OSBP: variants seen among roughly 807,000 people sequenced by gnomAD.
OSBP encodes the protein oxysterol binding protein.
OSBP carries 32 observed loss-of-function variants against 96.6 expected under a neutral mutation model. That is an observed-to-expected ratio of 0.33 (90% CI 0.25 to 0.45). The LOEUF is 0.45. Ranked by LOEUF, OSBP falls within the 20% of genes least tolerant of loss-of-function variation. OSBP has a pLI of 1.00. For synonymous variants in OSBP, 369 were observed against 389.6 expected (o/e 0.95, Z 0.62); for missense variants, 653 against 1,029.7 (o/e 0.63, Z 5.01).
chr11:59,591,026 C>CTCA (rs1860572590), intron 9 of OSBP, among the ~76,000 whole-genome samples: 1 of 152,240 alleles, frequency 6.6e-6, no homozygotes, highest in Non-Finnish European at 1.5e-5. Flanking sequence ...GTGGCAGATA[C>CTCA]TCAGTTAAGC....
chr11:59,608,746 A>G lies in OSBP; in HGVS notation c.572-12T>C. 6.2e-7 allele frequency: 1 copy of G among 1,613,874 alleles called. No individual in the cohort carries two copies. Among genetic ancestry groups the G allele is most frequent in the African/African-American group, 1.3e-5 (1 of 75,036 alleles). ...ATCTCCTGATTCATCTGTAGGAATG[A>G]AAAGAAAGGTTATATGATTCCAGAA... is the stretch of plus-strand genomic sequence containing the variant. On this transcript the variant is annotated splice_polypyrimidine_tract_variant and intron_variant, in intron 2 of 13. Transcript: ENST00000263847.
At chr11:59,605,539 G>A (rs1860771928) in intron 3 of OSBP, among the ~76,000 whole-genome samples, 1 of 151,812 alleles carries the variant, frequency 6.6e-6, no homozygotes, top group Non-Finnish European at 1.5e-5. Context: ...CAGTCACCAT[G>A]TCTGGCTAAT....
rs1860722250 is a variant in OSBP, at chr11:59,601,366, T to TGA, written c.1040_1041insTC (p.Lys347AsnfsTer5). 6.2e-7 allele frequency: 1 copy of TGA among 1,611,928 alleles called. No homozygotes were observed. Among genetic ancestry groups the TGA allele is most frequent in the African/African-American group, 1.3e-5 (1 of 74,902 alleles). ...CATCATCTTCATCGCTCATGTCCCC[T>TGA]TTGCCAGAGCAGCACTGATCTACAA... On this transcript the variant is annotated frameshift_variant, in exon 5 of 14. Transcript: ENST00000263847. LOFTEE classifies it high-confidence loss of function.
At chr11:59,595,770 T>A (rs911131058) in intron 7 of OSBP, among the ~76,000 whole-genome samples, 1 of 149,614 alleles carries the variant, frequency 6.7e-6, no homozygotes, top group South Asian at 2.1e-4. Flanking sequence ...CAAAACACCA[T>A]CTCTATAAAA....
intron 9 of OSBP, among the ~76,000 whole-genome samples, chr11:59,583,891 G>A (rs572121751): frequency 6.8e-6 from 1 of 146,540 alleles, no homozygotes; most frequent in Admixed American, 6.8e-5. Flanking sequence ...GCCCACCTCC[G>A]TCTCCCAAAG....
In OSBP at chr11:59,615,305, G is replaced by A. The variant is rs780442784; in HGVS notation, c.360C>T (p.Tyr120=). Residue 120 remains tyrosine (Y), a splice_region_variant and synonymous_variant, in exon 1 of 14, where the codon TAC becomes TAT. Coordinates refer to ENST00000263847, the MANE Select transcript of OSBP (RefSeq NM_002556.3). ...GACAGCGCCCCGGAAGCAGTTACCTGTAGTAGCTCAGGAGCCCGTTGCTCA... is the reference window on the plus strand; with the variant it reads ...GACAGCGCCCCGGAAGCAGTTACCTATAGTAGCTCAGGAGCCCGTTGCTCA... ...FVLSNGLLSY[Y]RSKAEMRHTC... is the part of the protein sequence containing the mutation. The A allele has an allele frequency of 6.3e-7, 1 of 1,598,376 alleles. No individual in the cohort carries two copies. The highest frequency in any genetic ancestry group is 2.3e-5 in the East Asian group (1 of 43,926).
chr11:59,594,396 C>T (rs1860622710), intron 7 of OSBP, 141 bp from the exon 8 acceptor site: 2 of 716,498 alleles, frequency 2.8e-6, no homozygotes, highest in Middle Eastern at 4.0e-4. Context: ...AACCCGCAAA[C>T]AACCCATTCT....
chr11:59,583,149 A>G (rs979396057), intron 9 of OSBP, among the ~76,000 whole-genome samples: 1 of 151,894 alleles, frequency 6.6e-6, no homozygotes, highest in African/African-American at 2.4e-5. Context: ...CATCTCTACT[A>G]AAAATACAAA....
intron 9 of OSBP, among the ~76,000 whole-genome samples, chr11:59,587,763 G>A (rs1336715214): frequency 6.6e-6 from 1 of 152,210 alleles, no homozygotes; most frequent in Non-Finnish European, 1.5e-5. Flanking sequence ...CAGTATGGTA[G>A]TTTGCTCAAA....
At chr11:59,593,828 C>G in intron 8 of OSBP, 104 bp from the exon 9 acceptor site, 1 of 1,504,764 alleles carries the variant, frequency 6.6e-7, no homozygotes, top group Non-Finnish European at 9.1e-7. Context: ...CGTTTTTACA[C>G]CCACAACAGT....
At chr11:59,607,535 G>A (rs748947668) in intron 3 of OSBP, among the ~76,000 whole-genome samples, 3 of 152,056 alleles carry the variant, frequency 2.0e-5, no homozygotes, top group Non-Finnish European at 4.4e-5. Context: ...TCATGGGAAA[G>A]TCTGGCACTA....
At chr11:59,582,045 C>T (rs1053225314) in intron 9 of OSBP, among the ~76,000 whole-genome samples, 5 of 152,190 alleles carry the variant, frequency 3.3e-5, no homozygotes, top group Non-Finnish European at 7.3e-5. Context: ...TCAGACAGAA[C>T]TGGATTAAAT....
chr11:59,578,447 A>G, intron 11 of OSBP, 117 bp from the exon 12 acceptor site: 1 of 945,072 alleles, frequency 1.1e-6, no homozygotes, highest in Non-Finnish European at 1.6e-6. Flanking sequence ...CAAACACCAG[A>G]GAGTCATCCA....
At chr11:59,583,634 GTTTTTTTTTTTTTT>G (rs764596509) in intron 9 of OSBP, among the ~76,000 whole-genome samples, 3 of 64,310 alleles carry the variant, frequency 4.7e-5, no homozygotes, top group Admixed American at 3.5e-4. Context: ...CTAAATCTCT[GTTTTTTTTTTTTTT>G]TTTTTTTTTT....
chr11:59,615,724 C>T lies in OSBP; in HGVS notation c.-60G>A. 1 of 1,249,288 alleles carries T rather than the reference C, an allele frequency of 8.0e-7. No homozygotes were observed. Among genetic ancestry groups the T allele is most frequent in the Admixed American group, 4.3e-5 (1 of 23,416 alleles). The allele number at this position is 1,249,288 out of a possible 1,614,324, so 77.4% of individuals were successfully genotyped here. On this transcript the variant is annotated 5_prime_UTR_variant, in exon 1 of 14. Transcript: ENST00000263847. The stretch of plus-strand genomic sequence containing the variant: ...CGCCTACGAGAGCCGCCGTCGCCGC[C>T]CGGAGCGCCCCACACGGCTACCGCA...
chr11:59,593,945 G>A, intron 8 of OSBP, 65 bp downstream of exon 8: 2 of 1,583,280 alleles, frequency 1.3e-6, no homozygotes, highest in Non-Finnish European at 1.7e-6. Context: ...AGACCCAGGG[G>A]ATTAACCAAA....
chr11:59,587,392 T>C (rs1336631924), intron 9 of OSBP, among the ~76,000 whole-genome samples: 1 of 151,874 alleles, frequency 6.6e-6, no homozygotes, highest in African/African-American at 2.4e-5. Context: ...ATCCCAGCTA[T>C]TCTGGAGGCT....
At chr11:59,596,465 G>A (rs1860658671) in intron 7 of OSBP, among the ~76,000 whole-genome samples, 1 of 151,972 alleles carries the variant, frequency 6.6e-6, no homozygotes, top group African/African-American at 2.4e-5. Context: ...TTCTCCAAAA[G>A]TGCCAAGCTT....
intron 9 of OSBP, among the ~76,000 whole-genome samples, chr11:59,590,981 T>G (rs1201322169): frequency 1.3e-5 from 2 of 152,242 alleles, no homozygotes; most frequent in Non-Finnish European, 2.9e-5. Flanking sequence ...TTTGTTCACT[T>G]ACATTTCCCA....
Sources: gnomAD v4.1 joint callset for allele counts (sites outside exome capture counted in the v4.1 genomes callset) on GRCh38, gnomAD v4.1.1 for gene constraint, MANE v1.5 for transcripts, NCBI Gene and HGNC (gene_info 2026-07-23, HGNC 2026-07-21) for gene names.